The following ITK variants were observed in gnomAD, a reference collection of about 807,000 sequenced individuals.
The protein encoded by ITK is tyrosine-protein kinase ITK/TSK.
A neutral mutation model predicts 87.6 loss-of-function variants in ITK; 45 were observed. That is an observed-to-expected ratio of 0.51 (90% confidence interval 0.40 to 0.66). ITK has a LOEUF of 0.66. ITK is among the 30% of genes least tolerant of loss of function. ITK has a pLI of 0.00. For synonymous variants in ITK, 303 were observed against 273.6 expected (o/e 1.11, Z -1.06); for missense variants, 605 against 766.3 (o/e 0.79, Z 2.48).
intron 13 of ITK, 41 bp from the exon 14 acceptor site, chr5:157,245,683 AAC>A: frequency 6.5e-7 from 1 of 1,539,308 alleles, no homozygotes; most frequent in Non-Finnish European, 9.0e-7. Context: ...ATGACTCATC[AAC>A]AGTTTTCCTC....
At chr5:157,216,845 C>T (rs969769897) in intron 4 of ITK, among the ~76,000 whole-genome samples, 8 of 152,116 alleles carry the variant, frequency 5.3e-5, no homozygotes, top group Non-Finnish European at 1.2e-4. Flanking sequence ...ATACCCAGGT[C>T]ACTATCCCAG....
intron 1 of ITK, among the ~76,000 whole-genome samples, chr5:157,203,619 G>T (rs1016647289): frequency 6.6e-5 from 10 of 152,228 alleles, no homozygotes; most frequent in Non-Finnish European, 1.5e-4. Flanking sequence ...ACCAGTAGCT[G>T]CAGACAGTTC....
At position 157,254,562 on chromosome 5, in the gene ITK, A is replaced by T. The variant is rs559703067; in HGVS notation, c.*1884A>T. ...CATGTGACGTTTTGACTGGCTTGAG[A>T]TTCAGATGCATAATTTTTAATTATA... is the stretch of plus-strand genomic sequence containing the variant. On this transcript the variant is annotated 3_prime_UTR_variant, in exon 17 of 17. Coordinates refer to ENST00000422843, the MANE Select transcript of ITK (RefSeq NM_005546.4). 6.3e-4 allele frequency: 139 copies of T among 220,160 alleles called. 1 individual carries two copies. The highest frequency in any genetic ancestry group is 2.8e-3 in the African/African-American group (125 of 44,726). The allele number at this position is 220,160 out of a possible 1,614,324, so 13.6% of individuals were successfully genotyped here.
At chr5:157,198,938 A>AT (rs796200487) in intron 1 of ITK, among the ~76,000 whole-genome samples, 2 of 151,782 alleles carry the variant, frequency 1.3e-5, no homozygotes, top group Admixed American at 6.6e-5. Flanking sequence ...AACTTTTAAA[A>AT]TTTTTTTGTA....
chr5:157,222,642 G>C (rs1754442912), intron 5 of ITK: 1 of 574,290 alleles, frequency 1.7e-6, no homozygotes, highest in South Asian at 2.0e-5. Flanking sequence ...AAATCACGTG[G>C]CTGCTTGGAA....
chr5:157,222,741 T>G (rs746869584), intron 5 of ITK, 122 bp from the exon 6 acceptor site: 12 of 905,210 alleles, frequency 1.3e-5, no homozygotes, highest in Non-Finnish European at 1.8e-5. Flanking sequence ...GCGCTGTAAC[T>G]CTAACTCATA....
chr5:157,245,388 G>T, intron 13 of ITK: 1 of 429,836 alleles, frequency 2.3e-6, no homozygotes, highest in Admixed American at 3.5e-5. Flanking sequence ...TAGTCAACTG[G>T]GAGATGCTTT....
intron 15 of ITK, among the ~76,000 whole-genome samples, chr5:157,246,774 G>A (rs765034255): frequency 5.3e-5 from 8 of 152,126 alleles, no homozygotes; most frequent in Non-Finnish European, 8.8e-5. Flanking sequence ...CCTGACAGAG[G>A]GACCAGCAAG....
chr5:157,196,107 A>G (rs971358455), intron 1 of ITK, among the ~76,000 whole-genome samples: 1 of 152,216 alleles, frequency 6.6e-6, no homozygotes, highest in African/African-American at 2.4e-5. Context: ...TTCACAGGAC[A>G]GACTCACAAC....
At chr5:157,241,191 G>GCCT (rs34010418) in intron 10 of ITK, 2,554 of 157,342 alleles carry the variant, frequency 0.016, 28 homozygotes, top group Non-Finnish European at 0.027. Context: ...GCCCGCCTCA[G>GCCT]CCTCCCATAC....
intron 11 of ITK, among the ~76,000 whole-genome samples, chr5:157,242,909 A>G (rs997956144): frequency 6.6e-6 from 1 of 152,242 alleles, no homozygotes; most frequent in African/African-American, 2.4e-5. Flanking sequence ...CCTGCTGTTG[A>G]GTCTCTGCCT....
chr5:157,228,854 C>G (rs974706452), intron 7 of ITK, among the ~76,000 whole-genome samples: 2 of 152,098 alleles, frequency 1.3e-5, no homozygotes, highest in Non-Finnish European at 2.9e-5. Flanking sequence ...TCTTTAACTT[C>G]CGGGCTCTAG....
intron 1 of ITK, among the ~76,000 whole-genome samples, chr5:157,198,340 G>T (rs922398162): frequency 6.6e-6 from 1 of 151,590 alleles, no homozygotes; most frequent in Non-Finnish European, 1.5e-5. Context: ...CTTTTGAAAA[G>T]TCTCACTTTT....
chr5:157,253,269 G>T lies in ITK; in HGVS notation c.*591G>T, dbSNP rs1488476923. On this transcript the variant is annotated 3_prime_UTR_variant, in exon 17 of 17. Transcript: ENST00000422843. ...AGAGCAGCTGCTCACACAGGAGGCC[G>T]GATATTCTGAGAAGCAGCTTTATGA... The T allele has an allele frequency of 1.2e-5, 3 of 244,312 alleles. No homozygotes were observed. Among genetic ancestry groups the T allele is most frequent in the Non-Finnish European group, 2.4e-5 (3 of 122,962 alleles). The allele number at this position is 244,312 out of a possible 1,614,324, so 15.1% of individuals were successfully genotyped here. A position where few individuals can be genotyped will look rare whatever the true frequency, so the allele number is the denominator to read the frequency against.
At chr5:157,246,234 T>C (rs943334891) in intron 15 of ITK, among the ~76,000 whole-genome samples, 5 of 152,110 alleles carry the variant, frequency 3.3e-5, no homozygotes, top group Non-Finnish European at 7.4e-5. Flanking sequence ...GAAACAAGAG[T>C]TCTGGTGCCA....
At chr5:157,219,649 T>C (rs1179896197) in intron 5 of ITK, among the ~76,000 whole-genome samples, 2 of 152,160 alleles carry the variant, frequency 1.3e-5, no homozygotes, top group Non-Finnish European at 1.5e-5. Flanking sequence ...ATGAGAGAAA[T>C]GTACTGAAAC....
rs1754815789 is a variant in ITK, at chr5:157,238,185, T to C, written c.845T>C (p.Val282Ala). The C allele has an allele frequency of 6.2e-7, 1 of 1,612,324 alleles. No homozygotes were observed. Among genetic ancestry groups the C allele is most frequent in the East Asian group, 2.2e-5 (1 of 44,882 alleles). Residue 282 changes from valine to alanine, a missense_variant, in exon 9 of 17, where the codon GTT (valine) becomes GCT (alanine). Coordinates refer to ENST00000422843, the MANE Select transcript of ITK (RefSeq NM_005546.4). ...TYTVSVFTKA[V>A]VSENNPCIKH... ...ACCGTGTCTGTTTTCACCAAGGCTG[T>C]TGTAAGGTATGGAGCTAACTCTGCT...
At chr5:157,215,191 T>G (rs1754274782) in intron 4 of ITK, among the ~76,000 whole-genome samples, 1 of 152,222 alleles carries the variant, frequency 6.6e-6, no homozygotes. Flanking sequence ...GCTCTGCAAA[T>G]CCATTGTCGA....
rs1410759113 is a variant in ITK, at chr5:157,222,935, C to A, written c.568C>A (p.Leu190Ile). 1 of 1,614,120 alleles carries A rather than the reference C, an allele frequency of 6.2e-7. No individual in the cohort carries two copies. The highest frequency in any genetic ancestry group is 2.2e-5 in the East Asian group (1 of 44,866). Residue 190 changes from leucine to isoleucine, a missense_variant, in exon 6 of 17, where the codon CTC (leucine) becomes ATC (isoleucine). Transcript: ENST00000422843. ...YDYQTNDPQE[L>I]ALRRNEEYCL... Reference sequence around the variant, plus strand: ...CTACCAAACCAATGATCCTCAGGAACTCGCACTGCGGCGCAACGAAGAGTA... The same window carrying A: ...CTACCAAACCAATGATCCTCAGGAAATCGCACTGCGGCGCAACGAAGAGTA...
Sources: gnomAD v4.1 joint callset for allele counts (sites outside exome capture counted in the v4.1 genomes callset) on GRCh38, gnomAD v4.1.1 for gene constraint, MANE v1.5 for transcripts, NCBI Gene and HGNC (gene_info 2026-07-23, HGNC 2026-07-21) for gene names.